Variants in SMCHD1 observed in about 807,000 individuals in gnomAD.
SMCHD1 encodes the protein structural maintenance of chromosomes flexible hinge domain containing 1.
A neutral mutation model predicts 254.7 loss-of-function variants in SMCHD1; 78 were observed. The ratio of observed to expected loss-of-function variants is 0.31; its 90% CI spans 0.26 to 0.37. The LOEUF (loss-of-function observed/expected upper bound fraction) is 0.37. SMCHD1 is among the 10% of genes least tolerant of loss of function. The pLI is 1.00. For synonymous variants in SMCHD1, 766 were observed against 794.9 expected (o/e 0.96, Z 0.61); for missense variants, 1,840 against 2,408.1 (o/e 0.76, Z 4.94).
chr18:2,685,094 A>AATTTT (rs2074013689), intron 5 of SMCHD1, among the ~76,000 whole-genome samples: 1 of 81,880 alleles, frequency 1.2e-5, no homozygotes, highest in Admixed American at 1.9e-4. Context: ...TCTGTCCCTT[A>AATTTT]TTTTTTTCTT....
At chr18:2,761,135 A>G (rs2075775846) in intron 35 of SMCHD1, among the ~76,000 whole-genome samples, 1 of 152,242 alleles carries the variant, frequency 6.6e-6, no homozygotes, top group South Asian at 2.1e-4. Context: ...GCTAGAGGCC[A>G]TTATCCTAAG....
At position 2,698,099 on chromosome 18, in the gene SMCHD1, T is replaced by G; in HGVS notation, c.1342+58T>G. Reference sequence around the variant, plus strand: ...TGAAGTTGTAATTTAGGACAGTGATTTGTTTTTCTAAATGATTATCGGTTG... The same window carrying G: ...TGAAGTTGTAATTTAGGACAGTGATGTGTTTTTCTAAATGATTATCGGTTG... On this transcript the variant is annotated intron_variant, in intron 10 of 47. Transcript: ENST00000320876. 5 of 1,367,752 alleles carry G rather than the reference T, an allele frequency of 3.7e-6. No individual in the cohort carries two copies. In the South Asian group the frequency reaches 6.4e-5, roughly 17 times the overall value. 84.7% of individuals were successfully genotyped at this position (1,367,752 alleles called of 1,614,324 possible).
At position 2,771,611 on chromosome 18, in the gene SMCHD1, C is replaced by A. The variant is rs1598428769; in HGVS notation, c.5045C>A (p.Thr1682Lys). Residue 1682 changes from threonine (T) to lysine (K), a missense_variant, in exon 40 of 48, where the codon ACA (threonine) becomes AAA (lysine). Coordinates refer to ENST00000320876, the MANE Select transcript of SMCHD1 (RefSeq NM_015295.3). ...LKIHNIDIPT[T>K]QQVPHIEALL... ...ATACATAATATTGACATTCCTACAA[C>A]ACAACAGGTACAGCTTCCAACTATA... The A allele has an allele frequency of 6.4e-7, 1 of 1,559,410 alleles. No homozygotes were observed.
chr18:2,711,264 CTT>C (rs148895802), intron 17 of SMCHD1, among the ~76,000 whole-genome samples: 18 of 144,364 alleles, frequency 1.2e-4, no homozygotes, highest in Non-Finnish European at 1.2e-4. Context: ...CCATGGCTCC[CTT>C]TTTTTTTTTT....
chr18:2,780,730 C>T (rs1285622662), intron 44 of SMCHD1, among the ~76,000 whole-genome samples: 1 of 152,180 alleles, frequency 6.6e-6, no homozygotes, highest in Non-Finnish European at 1.5e-5. Context: ...GTACTTGTAT[C>T]ATGGATGATT....
chr18:2,728,270 C>A, intron 22 of SMCHD1, 187 bp from the exon 23 acceptor site: 1 of 558,600 alleles, frequency 1.8e-6, no homozygotes, highest in Non-Finnish European at 3.1e-6. Flanking sequence ...TGAGATAAGT[C>A]TTGTCATGTA....
chr18:2,789,867 G>C (rs1178563770), intron 45 of SMCHD1, among the ~76,000 whole-genome samples: 1 of 152,154 alleles, frequency 6.6e-6, no homozygotes, highest in Non-Finnish European at 1.5e-5. Flanking sequence ...CCAGAATGTA[G>C]ACAGAAGAGA....
intron 47 of SMCHD1, among the ~76,000 whole-genome samples, chr18:2,797,349 C>G (rs1290063885): frequency 1.3e-5 from 2 of 152,196 alleles, no homozygotes; most frequent in African/African-American, 2.4e-5. Flanking sequence ...AGAAGGATAT[C>G]ATGGTACTGG....
chr18:2,791,547 A>G (rs997960002), intron 45 of SMCHD1, among the ~76,000 whole-genome samples: 1 of 152,224 alleles, frequency 6.6e-6, no homozygotes, highest in Non-Finnish European at 1.5e-5. Context: ...GCTCTGTCTC[A>G]AAAAAACAAA....
chr18:2,750,558 C>A, intron 32 of SMCHD1, 51 bp downstream of exon 32: 2 of 1,444,960 alleles, frequency 1.4e-6, no homozygotes, highest in South Asian at 1.3e-5. Flanking sequence ...TTGCTTTGTA[C>A]ATTAGTGGAA....
chr18:2,764,820 T>A (rs138451938), intron 37 of SMCHD1, among the ~76,000 whole-genome samples: 3 of 152,308 alleles, frequency 2.0e-5, no homozygotes, highest in African/African-American at 7.2e-5. Flanking sequence ...CTGGAACTAG[T>A]ACCCCACAGA....
At chr18:2,764,047 T>C in intron 37 of SMCHD1, 1 of 283,426 alleles carries the variant, frequency 3.5e-6, no homozygotes, top group Non-Finnish European at 6.5e-6. Flanking sequence ...CAGTACGTGA[T>C]GTTTTATGTT....
At chr18:2,667,452 C>G (rs571686112) in intron 3 of SMCHD1, among the ~76,000 whole-genome samples, 9 of 152,244 alleles carry the variant, frequency 5.9e-5, no homozygotes, top group African/African-American at 1.9e-4. Context: ...TTCTTTCTAC[C>G]TTTACTACTT....
rs1312441066 is a variant in SMCHD1, at chr18:2,673,187, G to A, written c.425-94G>A. 2.1e-6 allele frequency: 3 copies of A among 1,408,406 alleles called. No homozygotes were observed. In the African/African-American group the frequency reaches 4.3e-5, roughly 20 times the overall value. The allele number at this position is 1,408,406 out of a possible 1,614,324, so 87.2% of individuals were successfully genotyped here. A position where few individuals can be genotyped will look rare whatever the true frequency, so the allele number is the denominator to read the frequency against. ...ATAATACTTTAATTCTAGCTCTTTG[G>A]CTTTAAGGTACTTGATAGTTTCTTC... On this transcript the variant is annotated intron_variant, in intron 3 of 47. Transcript: ENST00000320876.
At chr18:2,791,448 C>T (rs1240284538) in intron 45 of SMCHD1, among the ~76,000 whole-genome samples, 1 of 152,120 alleles carries the variant, frequency 6.6e-6, no homozygotes, top group Non-Finnish European at 1.5e-5. Context: ...TGGTGGCTCG[C>T]TCCTTTAGTC....
intron 5 of SMCHD1, among the ~76,000 whole-genome samples, chr18:2,684,964 T>C (rs529573610): frequency 1.3e-4 from 20 of 152,216 alleles, no homozygotes; most frequent in African/African-American, 4.6e-4. Context: ...AGTATTGTTA[T>C]TTAGCTTTAA....
chr18:2,766,997 T>G (rs569775442), intron 37 of SMCHD1, among the ~76,000 whole-genome samples: 1 of 152,324 alleles, frequency 6.6e-6, no homozygotes, highest in African/African-American at 2.4e-5. Context: ...CAGTAGCTCA[T>G]GCCTATAACC....
At chr18:2,800,723 C>T (rs759598855) in intron 47 of SMCHD1, 2 of 152,124 alleles carry the variant, frequency 1.3e-5, no homozygotes, top group Non-Finnish European at 2.9e-5. Context: ...AAGTCCCACT[C>T]GGAGAAGAGA....
At chr18:2,772,137 C>A (rs1240538522) in intron 40 of SMCHD1, 113 bp from the exon 41 acceptor site, 2 of 866,434 alleles carry the variant, frequency 2.3e-6, no homozygotes, top group African/African-American at 1.8e-5. Flanking sequence ...TGCCTACTTA[C>A]CAACTTTATA....
Sources: allele counts gnomAD v4.1 joint callset (sites outside exome capture counted in the v4.1 genomes callset), GRCh38; gene constraint gnomAD v4.1.1; transcripts MANE v1.5; gene names NCBI Gene and HGNC (gene_info 2026-07-23, HGNC 2026-07-21).